Variants in PEBP4 observed in about 807,000 individuals in gnomAD.
The protein encoded by PEBP4 is phosphatidylethanolamine binding protein 4.
PEBP4 carries 22 observed loss-of-function variants against 23.9 expected under a neutral mutation model. The ratio of observed to expected loss-of-function variants is 0.92; its 90% confidence interval spans 0.66 to 1.31. The LOEUF (loss-of-function observed/expected upper bound fraction) is 1.31, where lower values mean the gene tolerates loss of function less well. Ranked by LOEUF, PEBP4 falls within the 40% of genes most tolerant of loss-of-function variation. PEBP4 has a pLI of 0.00. For missense variants in PEBP4, 324 were observed against 281.7 expected (o/e 1.15, Z -1.07); for synonymous variants, 112 against 99.3 (o/e 1.13, Z -0.76).
rs746772591 is a variant in PEBP4, at chr8:22,837,890, CTTTTTTT to C, written c.259-20162_259-20156del. On this transcript the variant is annotated intron_variant, in intron 3 of 6. Transcript: ENST00000256404. ...GCCTCTCTTATTAGATTATTATATT[CTTTTTTT>C]TTTTTTTTTTTTTTTTTTTGAGACA... 6.8e-4 allele frequency among the ~76,000 whole-genome samples: 44 copies of C among 64,556 alleles called. 1 individual carries two copies. Among genetic ancestry groups the C allele is most frequent in the Non-Finnish European group, 1.0e-3 (37 of 36,650 alleles). The allele number at this position is 64,556 out of a possible 152,430, so 42.4% of individuals were successfully genotyped here. A position where few individuals can be genotyped will look rare whatever the true frequency, so the allele number is the denominator to read the frequency against.
chr8:22,805,878 CTGAA>C (rs59038661), intron 4 of PEBP4, among the ~76,000 whole-genome samples: 28,652 of 151,270 alleles, frequency 0.19, 3,177 homozygotes, highest in East Asian at 0.3. Flanking sequence ...TAAGCACATG[CTGAA>C]TGAATGAATG....
chr8:22,852,613 T>C (rs1807571878), intron 3 of PEBP4, among the ~76,000 whole-genome samples: 1 of 150,892 alleles, frequency 6.6e-6, no homozygotes, highest in Non-Finnish European at 1.5e-5. Flanking sequence ...TCCAACGGAG[T>C]CTTTTGTGAG....
At chr8:22,873,676 T>C (rs1193838986) in intron 3 of PEBP4, among the ~76,000 whole-genome samples, 5 of 152,190 alleles carry the variant, frequency 3.3e-5, no homozygotes, top group Non-Finnish European at 4.4e-5. Flanking sequence ...TGAATAGAGC[T>C]GTAGATTAAA....
chr8:22,762,316 C>T (rs1219996338), intron 4 of PEBP4, among the ~76,000 whole-genome samples: 10 of 152,096 alleles, frequency 6.6e-5, no homozygotes, highest in Non-Finnish European at 8.8e-5. Context: ...CTCCTTGTCC[C>T]TCAGGGAAAG....
intron 3 of PEBP4, among the ~76,000 whole-genome samples, chr8:22,832,875 C>T (rs925064383): frequency 5.3e-5 from 8 of 152,154 alleles, no homozygotes; most frequent in African/African-American, 1.9e-4. Context: ...GCCACCCACC[C>T]ACAGCCCCCA....
intron 3 of PEBP4, among the ~76,000 whole-genome samples, chr8:22,868,073 T>C (rs1585314941): frequency 6.6e-6 from 1 of 151,932 alleles, no homozygotes; most frequent in African/African-American, 2.4e-5. Flanking sequence ...GCCGACAGAG[T>C]TGAAGCCACT....
chr8:22,803,297 G>T (rs776599439), intron 4 of PEBP4, among the ~76,000 whole-genome samples: 1 of 152,096 alleles, frequency 6.6e-6, no homozygotes, highest in African/African-American at 2.4e-5. Flanking sequence ...TATCACGTTC[G>T]TATCCCACAG....
chr8:22,721,164 A>T (rs1804510125), intron 6 of PEBP4, among the ~76,000 whole-genome samples: 1 of 152,156 alleles, frequency 6.6e-6, no homozygotes, highest in African/African-American at 2.4e-5. Flanking sequence ...GAGCCTCATC[A>T]GTTGGTCCCT....
upstream of PEBP4, among the ~76,000 whole-genome samples, chr8:22,928,246 G>A (rs979009602): frequency 6.6e-6 from 1 of 152,216 alleles, no homozygotes; most frequent in African/African-American, 2.4e-5. Flanking sequence ...TGTCTCCACA[G>A]CCTGTGAGCT....
chr8:22,761,346 G>A (rs912322989), intron 4 of PEBP4, among the ~76,000 whole-genome samples: 8 of 151,954 alleles, frequency 5.3e-5, no homozygotes, highest in Admixed American at 2.0e-4. Context: ...TATCTTGCCC[G>A]GAAGAGGTCC....
intron 3 of PEBP4, among the ~76,000 whole-genome samples, chr8:22,854,002 A>G (rs1196317069): frequency 6.6e-6 from 1 of 152,258 alleles, no homozygotes; most frequent in Non-Finnish European, 1.5e-5. Flanking sequence ...GACCAAAAAA[A>G]GAAATTCATA....
At position 22,794,296 on chromosome 8, in the gene PEBP4, A is replaced by AT. The variant is rs10709441; in HGVS notation, c.357+23340dup. On this transcript the variant is annotated intron_variant, in intron 4 of 6. Transcript: ENST00000256404. The stretch of plus-strand genomic sequence containing the variant: ...AACAACCCTGTGAGAGGTACGCACA[A>AT]TTTTTTTTTTTTTGAGACAGTGTCT... Among the ~76,000 whole-genome samples the AT allele has an allele frequency of 3.1e-3, 468 of 149,028 alleles. 2 individuals carry two copies. The highest frequency in any genetic ancestry group is 0.01 in the African/African-American group (410 of 40,596).
At chr8:22,850,846 T>G (rs768522558) in intron 3 of PEBP4, among the ~76,000 whole-genome samples, 1 of 152,176 alleles carries the variant, frequency 6.6e-6, no homozygotes, top group Non-Finnish European at 1.5e-5. Flanking sequence ...GGCCTCTCAT[T>G]GCAATGTGAT....
intron 4 of PEBP4, among the ~76,000 whole-genome samples, chr8:22,730,905 G>C (rs1585240213): frequency 6.6e-6 from 1 of 152,148 alleles, no homozygotes; most frequent in Admixed American, 6.5e-5. Flanking sequence ...ATGAGGGAAG[G>C]TTTATGGCCC....
intron 4 of PEBP4, among the ~76,000 whole-genome samples, chr8:22,793,807 TAGA>T (rs1806189260): frequency 6.6e-6 from 1 of 152,194 alleles, no homozygotes; most frequent in African/African-American, 2.4e-5. Context: ...TGTACATTTC[TAGA>T]AGGAGATTGT....
At chr8:22,736,239 C>T (rs1390898205) in intron 4 of PEBP4, among the ~76,000 whole-genome samples, 2 of 151,992 alleles carry the variant, frequency 1.3e-5, no homozygotes, top group Admixed American at 6.6e-5. Flanking sequence ...GATGGGGTTC[C>T]GGGGTGGGGT....
intron 4 of PEBP4, among the ~76,000 whole-genome samples, chr8:22,815,823 C>T (rs538347718): frequency 1.3e-5 from 2 of 152,292 alleles, no homozygotes; most frequent in South Asian, 4.1e-4. Context: ...GAGGTCCCTT[C>T]TGAGTATGGG....
chr8:22,746,763 C>A (rs568752828), intron 4 of PEBP4, among the ~76,000 whole-genome samples: 1 of 152,162 alleles, frequency 6.6e-6, no homozygotes, highest in Non-Finnish European at 1.5e-5. Context: ...CTGTCCAGTG[C>A]GACATTCTGT....
At chr8:22,875,373 T>C (rs1304717747) in intron 3 of PEBP4, among the ~76,000 whole-genome samples, 2 of 152,196 alleles carry the variant, frequency 1.3e-5, no homozygotes, top group Non-Finnish European at 2.9e-5. Context: ...GTTTGTTACA[T>C]AGGTAAACTC....
Sources: gnomAD v4.1 joint callset for allele counts (sites outside exome capture counted in the v4.1 genomes callset) on GRCh38, gnomAD v4.1.1 for gene constraint, MANE v1.5 for transcripts, NCBI Gene and HGNC (gene_info 2026-07-23, HGNC 2026-07-21) for gene names.